Variants in ANKFN1 observed in about 807,000 individuals in gnomAD.
ANKFN1 encodes ankyrin repeat and fibronectin type III domain containing 1, also known as ankyrin repeat and fibronectin type-III domain-containing protein 1.
Under a neutral mutation model 108.7 loss-of-function variants are expected in ANKFN1, and 74 were observed. That is an observed-to-expected ratio of 0.68 (90% confidence interval 0.56 to 0.83). The LOEUF (loss-of-function observed/expected upper bound fraction) is 0.83. ANKFN1 is among the 40% of genes least tolerant of loss of function. ANKFN1 has a pLI of 0.00. For missense variants in ANKFN1, 1,505 were observed against 1,382.3 expected (o/e 1.09, Z -1.41); for synonymous variants, 547 against 516.2 (o/e 1.06, Z -0.81).
In ANKFN1 at chr17:56,093,546, G is replaced by A. The variant is rs79755884; in HGVS notation, c.288+47221G>A. Among the ~76,000 whole-genome samples, 472 of 151,286 alleles carry A rather than the reference G, an allele frequency of 3.1e-3. 17 individuals carry two copies. Among genetic ancestry groups the A allele is most frequent in the Middle Eastern group, 0.017 (5 of 292 alleles). On this transcript the variant is annotated intron_variant, in intron 4 of 12. Coordinates refer to the ANKFN1 transcript ENST00000635860. Reference sequence around the variant, plus strand: ...TAAAAACTGCCATTTAGGAATACACGAAATGCACACATTTCAAACAACTTC... The same window carrying A: ...TAAAAACTGCCATTTAGGAATACACAAAATGCACACATTTCAAACAACTTC...
At chr17:56,259,909 AACACACACACACAC>A (rs34951336) in intron 3 of ANKFN1, among the ~76,000 whole-genome samples, 7 of 139,048 alleles carry the variant, frequency 5.0e-5, no homozygotes, top group Non-Finnish European at 7.9e-5. Flanking sequence ...CCCACCTCCA[AACACACACACACAC>A]ACACACACAC....
intron 15 of ANKFN1, among the ~76,000 whole-genome samples, chr17:56,467,781 A>AAGAAAG (rs2050143136): frequency 5.3e-4 from 12 of 22,438 alleles, no homozygotes; most frequent in African/African-American, 1.1e-3. Context: ...GAAAGAAAGA[A>AAGAAAG]AGAAAGAAAG....
intron 8 of ANKFN1, among the ~76,000 whole-genome samples, chr17:56,388,102 A>G (rs1394655184): frequency 6.6e-6 from 1 of 151,762 alleles, no homozygotes; most frequent in African/African-American, 2.4e-5. Context: ...TCTAATTAAT[A>G]AGCTTCTATG....
intron 1 of ANKFN1, among the ~76,000 whole-genome samples, chr17:56,165,264 T>C (rs1402324065): frequency 6.6e-6 from 1 of 151,344 alleles, no homozygotes; most frequent in African/African-American, 2.4e-5. Flanking sequence ...TACCAATTAC[T>C]TTTTTTTTAA....
At chr17:56,198,706 C>G (rs1334053208) in intron 1 of ANKFN1, among the ~76,000 whole-genome samples, 1 of 152,080 alleles carries the variant, frequency 6.6e-6, no homozygotes, top group Admixed American at 6.5e-5. Context: ...TTTATAACGC[C>G]TTTTCTTAGG....
intron 8 of ANKFN1, among the ~76,000 whole-genome samples, chr17:56,378,463 T>C (rs1446637754): frequency 6.6e-6 from 1 of 152,158 alleles, no homozygotes; most frequent in East Asian, 1.9e-4. Context: ...CTCCTACACC[T>C]TGTAGTTGGG....
At chr17:56,055,566 C>CACATATATAT (rs1555588767) in intron 4 of ANKFN1, among the ~76,000 whole-genome samples, 18 of 47,450 alleles carry the variant, frequency 3.8e-4, no homozygotes, top group African/African-American at 2.2e-3. Context: ...GGTATATATA[C>CACATATATAT]ATATATATAT....
chr17:56,252,055 G>A (rs2043247198), intron 3 of ANKFN1, among the ~76,000 whole-genome samples: 1 of 152,198 alleles, frequency 6.6e-6, no homozygotes, highest in Admixed American at 6.5e-5. Flanking sequence ...TACAGACTCT[G>A]GCTTAACCAC....
chr17:56,074,397 C>T (rs943899144), intron 4 of ANKFN1, among the ~76,000 whole-genome samples: 12 of 152,224 alleles, frequency 7.9e-5, no homozygotes, highest in African/African-American at 2.7e-4. Context: ...TCTGACACTG[C>T]GTGAGCCCTT....
chr17:56,236,034 C>A (rs2143963429), intron 3 of ANKFN1, among the ~76,000 whole-genome samples: 1 of 151,910 alleles, frequency 6.6e-6, no homozygotes, highest in South Asian at 2.1e-4. Flanking sequence ...TCTCTGATTT[C>A]TTTTTCTTTT....
intron 4 of ANKFN1, among the ~76,000 whole-genome samples, chr17:56,057,145 A>G (rs1372837869): frequency 1.3e-5 from 2 of 152,220 alleles, no homozygotes; most frequent in East Asian, 3.9e-4. Flanking sequence ...GATTGCAGCA[A>G]TTCAGTCACA....
intron 1 of ANKFN1, among the ~76,000 whole-genome samples, chr17:56,161,906 T>G (rs187320056): frequency 6.6e-6 from 1 of 152,352 alleles, no homozygotes; most frequent in African/African-American, 2.4e-5. Context: ...TGGACAACCA[T>G]GCTTGCCAAA....
chr17:56,334,410 A>G (rs1352435883), intron 4 of ANKFN1, among the ~76,000 whole-genome samples: 1 of 152,172 alleles, frequency 6.6e-6, no homozygotes, highest in African/African-American at 2.4e-5. Context: ...GATTGTGACA[A>G]ATGGTTTCAT....
chr17:56,380,100 C>T (rs1347830321), intron 8 of ANKFN1, among the ~76,000 whole-genome samples: 1 of 152,224 alleles, frequency 6.6e-6, no homozygotes, highest in Non-Finnish European at 1.5e-5. Flanking sequence ...CATCCATGAG[C>T]TGTCTTCCTA....
In ANKFN1 at chr17:56,457,933, T is replaced by C; in HGVS notation, c.1511T>C (p.Val504Ala). The change falls in exon 14 of 21, where the codon GTG (valine) becomes GCG (alanine). Residue 504 changes from valine to alanine, a missense_variant. By Grantham distance (64) the Val-to-Ala change is moderately conservative. Transcript: ENST00000682825. ...SIPISSSSST[V>A]LQTRQKMLAA... ...CCAATATCCTCATCCTCATCCACAG[T>C]GCTGCAAACTCGGCAGAAGATGCTC... 3 of 1,614,104 alleles carry C rather than the reference T, an allele frequency of 1.9e-6. No homozygotes were observed. The highest frequency in any genetic ancestry group is 2.5e-6 in the Non-Finnish European group (3 of 1,180,000).
chr17:56,129,829 A>G (rs1000464297), intron 4 of ANKFN1, among the ~76,000 whole-genome samples: 4 of 152,206 alleles, frequency 2.6e-5, no homozygotes, highest in Non-Finnish European at 5.9e-5. Context: ...ATATGGTTAG[A>G]ATTCCACAAC....
At chr17:56,442,802 A>G in intron 9 of ANKFN1, 41 bp from the exon 10 acceptor site, 2 of 1,579,872 alleles carry the variant, frequency 1.3e-6, no homozygotes, top group Non-Finnish European at 1.7e-6. Context: ...GGTAAAAATG[A>G]TTAAATAAAA....
chr17:56,318,386 TAA>T (rs1004270564), intron 3 of ANKFN1, among the ~76,000 whole-genome samples: 7 of 152,136 alleles, frequency 4.6e-5, no homozygotes, highest in Admixed American at 3.3e-4. Flanking sequence ...GGAAAAAGTA[TAA>T]AATGCATTCC....
intron 3 of ANKFN1, among the ~76,000 whole-genome samples, chr17:56,313,959 G>A (rs2045121954): frequency 6.6e-6 from 1 of 152,212 alleles, no homozygotes; most frequent in African/African-American, 2.4e-5. Context: ...TAGGCAGCCA[G>A]TGTTTTGATT....
Sources: allele counts gnomAD v4.1 joint callset (sites outside exome capture counted in the v4.1 genomes callset), GRCh38; gene constraint gnomAD v4.1.1; transcripts MANE v1.5; gene names NCBI Gene and HGNC (gene_info 2026-07-23, HGNC 2026-07-21).